ABCC4: variants seen among roughly 807,000 people sequenced by gnomAD.
ABCC4 encodes ATP binding cassette subfamily C member 4 (PEL blood group).
ABCC4 carries 102 observed loss-of-function variants against 168.5 expected under a neutral mutation model. That is an observed-to-expected ratio of 0.61 (90% CI 0.52 to 0.71). The LOEUF is 0.71. Ranked by LOEUF, ABCC4 falls within the 30% of genes least tolerant of loss-of-function variation. The probability of loss-of-function intolerance (pLI) is 0.00; values close to 1 mark genes in which losing one functional copy is unlikely to be tolerated. For synonymous variants in ABCC4, 617 were observed against 590.7 expected (o/e 1.04, Z -0.65); for missense variants, 1,402 against 1,605.8 (o/e 0.87, Z 2.17).
intron 13 of ABCC4, among the ~76,000 whole-genome samples, chr13:95,173,655 G>C (rs2037559017): frequency 6.6e-6 from 1 of 152,198 alleles, no homozygotes; most frequent in South Asian, 2.1e-4. Context: ...GCCATTCGAG[G>C]ACTTAGAACT....
At chr13:95,277,542 T>C (rs2389233) in intron 1 of ABCC4, among the ~76,000 whole-genome samples, 97,054 of 149,796 alleles carry the variant, frequency 0.65, 32,504 homozygotes, top group South Asian at 0.75. Flanking sequence ...GACCATGCCA[T>C]TGCACTCCAG....
rs142145354 is a variant in ABCC4, at chr13:95,207,052, T to C, written c.912-271A>G. ...AAAAAAAAAATACATATTTTGTTTT[T>C]TGAGACAGAGTTTCACTCTTGTCGC... On this transcript the variant is annotated intron_variant, in intron 7 of 30. Coordinates refer to ENST00000645237, the MANE Select transcript of ABCC4 (RefSeq NM_005845.5). Among the ~76,000 whole-genome samples the C allele has an allele frequency of 2.8e-3, 432 of 152,346 alleles. 5 individuals carry two copies. The highest frequency in any genetic ancestry group is 1.0e-2 in the African/African-American group (414 of 41,576).
chr13:95,027,922 A>G (rs1593963775), intron 30 of ABCC4, among the ~76,000 whole-genome samples: 1 of 152,218 alleles, frequency 6.6e-6, no homozygotes, highest in Non-Finnish European at 1.5e-5. Context: ...AAACCTAACC[A>G]CGCCATATAC....
chr13:95,231,638 G>A (rs2039624795), intron 4 of ABCC4, among the ~76,000 whole-genome samples: 1 of 152,158 alleles, frequency 6.6e-6, no homozygotes, highest in African/African-American at 2.4e-5. Context: ...CCACATACAA[G>A]GCAGGACATG....
intron 1 of ABCC4, among the ~76,000 whole-genome samples, chr13:95,287,403 A>G (rs1234210308): frequency 6.6e-6 from 1 of 152,088 alleles, no homozygotes; most frequent in Non-Finnish European, 1.5e-5. Flanking sequence ...CCTGGCCAAC[A>G]TGGTGAAACC....
rs781636269 is a variant in ABCC4, at chr13:95,164,054, A to AAAAGAAAGAAAG, written c.2175+312_2175+323dup. Reference sequence around the variant, plus strand: ...AAACTCCATCTCAAAAAAAAAAAAAAAAAGAAAGAAAGAAAGAAAGAAAGA... The same window carrying AAAAGAAAGAAAG: ...AAACTCCATCTCAAAAAAAAAAAAAAAAAGAAAGAAAGAAAGAAAGAAAGAAAGAAAGAAAGA... On this transcript the variant is annotated intron_variant, in intron 16 of 30. Coordinates refer to ENST00000645237, the MANE Select transcript of ABCC4 (RefSeq NM_005845.5). Among the ~76,000 whole-genome samples, 1,010 of 138,916 alleles carry AAAAGAAAGAAAG rather than the reference A, an allele frequency of 7.3e-3. 31 individuals are homozygous for AAAAGAAAGAAAG. The highest frequency in any genetic ancestry group is 0.025 in the African/African-American group (916 of 36,164). The allele number at this position is 138,916 out of a possible 152,430, so 91.1% of individuals were successfully genotyped here.
intron 29 of ABCC4, among the ~76,000 whole-genome samples, chr13:95,035,520 T>C (rs948689732): frequency 6.6e-6 from 1 of 152,224 alleles, no homozygotes; most frequent in Non-Finnish European, 1.5e-5. Context: ...ACAGCCCACA[T>C]GGCACACGGG....
chr13:95,100,435 G>A (rs4148527), intron 20 of ABCC4, among the ~76,000 whole-genome samples: 28,322 of 151,992 alleles, frequency 0.19, 2,799 homozygotes, highest in Middle Eastern at 0.29. Context: ...TTCTACATGT[G>A]CTATCACACT....
intron 4 of ABCC4, among the ~76,000 whole-genome samples, chr13:95,219,635 T>G (rs2039256319): frequency 6.6e-6 from 1 of 152,016 alleles, no homozygotes; most frequent in South Asian, 2.1e-4. Flanking sequence ...GCCTCCCAAG[T>G]AAGAGACTAT....
intron 30 of ABCC4, among the ~76,000 whole-genome samples, chr13:95,030,746 C>T (rs572282909): frequency 6.6e-6 from 1 of 152,306 alleles, no homozygotes; most frequent in Admixed American, 6.5e-5. Context: ...TCTCAGACTC[C>T]AGCACGGAAG....
intron 27 of ABCC4, among the ~76,000 whole-genome samples, chr13:95,046,632 G>A (rs2032590480): frequency 1.3e-5 from 2 of 152,110 alleles, no homozygotes; most frequent in African/African-American, 2.4e-5. Flanking sequence ...GCTGGGCATG[G>A]TGGCGGGCAC....
intron 14 of ABCC4, among the ~76,000 whole-genome samples, chr13:95,168,439 G>C (rs1038331864): frequency 6.6e-6 from 1 of 152,148 alleles, no homozygotes; most frequent in African/African-American, 2.4e-5. Context: ...ATTCCTCACT[G>C]TTCTTTAGGC....
chr13:95,031,606 G>A (rs1355292299), intron 30 of ABCC4, among the ~76,000 whole-genome samples: 2 of 152,184 alleles, frequency 1.3e-5, no homozygotes, highest in African/African-American at 2.4e-5. Flanking sequence ...CGTAAGTTAC[G>A]ATTAATATTG....
chr13:95,288,429 T>A (rs2041314087), intron 1 of ABCC4, among the ~76,000 whole-genome samples: 1 of 152,206 alleles, frequency 6.6e-6, no homozygotes, highest in Admixed American at 6.5e-5. Context: ...TTAATAGAGC[T>A]AACAATTTAG....
At chr13:95,135,247 T>C (rs554385876) in intron 19 of ABCC4, among the ~76,000 whole-genome samples, 1 of 152,298 alleles carries the variant, frequency 6.6e-6, no homozygotes, top group Non-Finnish European at 1.5e-5. Context: ...GTTTTGCTCA[T>C]ATTTAATTTA....
intron 21 of ABCC4, among the ~76,000 whole-genome samples, chr13:95,076,010 C>A (rs2033888315): frequency 6.6e-6 from 1 of 152,184 alleles, no homozygotes; most frequent in Non-Finnish European, 1.5e-5. Context: ...TTGCTAATTT[C>A]TCAAGGGTCA....
intron 4 of ABCC4, among the ~76,000 whole-genome samples, chr13:95,216,350 T>C (rs1366520640): frequency 6.6e-6 from 1 of 152,146 alleles, no homozygotes; most frequent in Non-Finnish European, 1.5e-5. Flanking sequence ...CTGCAAATAT[T>C]TTGATTCTAT....
chr13:95,068,709 G>A (rs1267812234), intron 25 of ABCC4, among the ~76,000 whole-genome samples: 1 of 152,072 alleles, frequency 6.6e-6, no homozygotes, highest in Non-Finnish European at 1.5e-5. Context: ...ATTTGGGGGG[G>A]TTTTAAGATG....
At chr13:95,279,556 G>GAAAT (rs2138910781) in intron 1 of ABCC4, among the ~76,000 whole-genome samples, 1 of 152,302 alleles carries the variant, frequency 6.6e-6, no homozygotes, top group South Asian at 2.1e-4. Context: ...TGACAGCGCT[G>GAAAT]AAATAAGGAG....
Sources: gnomAD v4.1 joint callset for allele counts (sites outside exome capture counted in the v4.1 genomes callset) on GRCh38, gnomAD v4.1.1 for gene constraint, MANE v1.5 for transcripts, NCBI Gene and HGNC (gene_info 2026-07-23, HGNC 2026-07-21) for gene names.